Variants in POT1 observed in about 807,000 individuals in gnomAD.
The protein encoded by POT1 is protection of telomeres 1.
In POT1, 47 loss-of-function variants were observed where a neutral mutation model predicts 78.5. The observed-to-expected ratio is 0.60, with a 90% confidence interval of 0.47 to 0.76. POT1 has a LOEUF of 0.76. Among genes scored for constraint, POT1 ranks in the 30% least tolerant of loss-of-function variants. The pLI, the probability that POT1 is intolerant of heterozygous loss-of-function variation, is 0.00. For missense variants in POT1, 646 were observed against 749.9 expected (o/e 0.86, Z 1.62); for synonymous variants, 259 against 260.7 (o/e 0.99, Z 0.06).
chr7:124,873,632 C>G (rs1795922925), intron 6 of POT1, among the ~76,000 whole-genome samples: 1 of 152,002 alleles, frequency 6.6e-6, no homozygotes, highest in Admixed American at 6.6e-5. Flanking sequence ...GGAAACATTC[C>G]CTTCTCTTCC....
chr7:124,869,158 T>C (rs1795803576), intron 7 of POT1, among the ~76,000 whole-genome samples: 2 of 152,162 alleles, frequency 1.3e-5, no homozygotes, highest in Admixed American at 6.6e-5. Flanking sequence ...CTGTTAGTGT[T>C]TGTGTATACA....
At chr7:124,878,399 T>G (rs1796040676) in intron 6 of POT1, among the ~76,000 whole-genome samples, 1 of 151,958 alleles carries the variant, frequency 6.6e-6, no homozygotes. Flanking sequence ...ACAGGAGGAA[T>G]AAATTTTCAA....
At chr7:124,924,079 C>T (rs1307982642) in intron 2 of POT1, among the ~76,000 whole-genome samples, 1 of 138,566 alleles carries the variant, frequency 7.2e-6, no homozygotes, top group Non-Finnish European at 1.6e-5. Context: ...ACCAGAAAAA[C>T]AAGAACAAAC....
At chr7:124,926,848 C>T (rs1797286820) in intron 2 of POT1, among the ~76,000 whole-genome samples, 1 of 152,152 alleles carries the variant, frequency 6.6e-6, no homozygotes, top group Non-Finnish European at 1.5e-5. Flanking sequence ...ACTGCATGTT[C>T]TCACTCAAAA....
intron 3 of POT1, among the ~76,000 whole-genome samples, chr7:124,915,106 C>T (rs11767519): frequency 0.32 from 48,484 of 151,854 alleles, 7,756 homozygotes; most frequent in South Asian, 0.4. Context: ...AGCTTATAAC[C>T]CCAGTACCTA....
At chr7:124,832,596 C>T (rs62478918) in intron 15 of POT1, among the ~76,000 whole-genome samples, 2 of 152,064 alleles carry the variant, frequency 1.3e-5, no homozygotes, top group Non-Finnish European at 2.9e-5. Context: ...GGGCAGATCA[C>T]CTAAGGTCAG....
intron 18 of POT1, 73 bp from the exon 19 acceptor site, chr7:124,824,147 G>A (rs1422917065): frequency 8.5e-6 from 7 of 821,738 alleles, no homozygotes; most frequent in African/African-American, 3.6e-5. Context: ...AGGTACCTAA[G>A]CTTACCACTG....
At chr7:124,826,161 C>T (rs762365545) in intron 17 of POT1, among the ~76,000 whole-genome samples, 16 of 152,130 alleles carry the variant, frequency 1.1e-4, no homozygotes, top group Admixed American at 3.3e-4. Flanking sequence ...ACCATACCTA[C>T]GTGATAGAGT....
At chr7:124,906,273 A>G (rs1435404875) in intron 3 of POT1, among the ~76,000 whole-genome samples, 1 of 152,168 alleles carries the variant, frequency 6.6e-6, no homozygotes, top group Non-Finnish European at 1.5e-5. Flanking sequence ...GATTAAGAAA[A>G]TGTGGCACAT....
intron 6 of POT1, among the ~76,000 whole-genome samples, chr7:124,880,494 TCA>T (rs1372578966): frequency 1.3e-5 from 2 of 152,052 alleles, no homozygotes; most frequent in African/African-American, 4.8e-5. Context: ...CTGACAAAGC[TCA>T]GTCCCTGTAG....
At position 124,858,412 on chromosome 7, in the gene POT1, T is replaced by TCTAA. The variant is rs1447561135; in HGVS notation, c.702+541_702+544dup. On this transcript the variant is annotated intron_variant, in intron 9 of 18. Coordinates refer to ENST00000357628, the MANE Select transcript of POT1 (RefSeq NM_015450.3). Reference sequence around the variant, plus strand: ...TTGTTAATAGTTAAGTACTGCCATATCTAAACTGTGCACCTTAATGTATTT... The same window carrying TCTAA: ...TTGTTAATAGTTAAGTACTGCCATATCTAACTAAACTGTGCACCTTAATGTATTT... Among the ~76,000 whole-genome samples the TCTAA allele has an allele frequency of 7.2e-5, 11 of 152,246 alleles. No individual in the cohort carries two copies. In the East Asian group the frequency reaches 1.2e-3, roughly 16 times the overall value.
At position 124,859,722 on chromosome 7, in the gene POT1, T is replaced by TA. The variant is rs56197887; in HGVS notation, c.547-611dup. On this transcript the variant is annotated intron_variant, in intron 8 of 18. Transcript: ENST00000357628. Reference sequence around the variant, plus strand: ...TATAAATGACGCCTGGTTATTTATATAAAAAAAAAAAACCATAAAACAAAA... The same window carrying TA: ...TATAAATGACGCCTGGTTATTTATATAAAAAAAAAAAAACCATAAAACAAAA... Among the ~76,000 whole-genome samples the TA allele has an allele frequency of 8.5e-3, 1,192 of 139,428 alleles. 20 individuals carry two copies. The highest frequency in any genetic ancestry group is 0.05 in the East Asian group (248 of 4,914). The allele number at this position is 139,428 out of a possible 152,430, so 91.5% of individuals were successfully genotyped here.
intron 5 of POT1, 39 bp from the exon 6 acceptor site, chr7:124,892,419 T>G (rs756090278): frequency 1.0e-6 from 1 of 995,978 alleles, no homozygotes; most frequent in East Asian, 2.9e-5. Flanking sequence ...TTATACAAAG[T>G]ATTTACATTG....
In POT1 at chr7:124,904,700, C is replaced by T. The variant is rs542485527; in HGVS notation, c.-153-6326G>A. Among the ~76,000 whole-genome samples the T allele has an allele frequency of 2.6e-5, 4 of 152,318 alleles. No individual in the cohort carries two copies. The East Asian group carries it at 7.7e-4, about 29-fold the overall frequency. On this transcript the variant is annotated intron_variant, in intron 3 of 18. Coordinates refer to ENST00000357628, the MANE Select transcript of POT1 (RefSeq NM_015450.3). ...GTATTCAAGTAGAAAAACAGGAAGT[C>T]AAATTGTCCCTGTTTGCAGATGACA...
Position 124,864,370 on chromosome 7 carries a change from TTCAG to T in POT1, c.256-734_256-731del, listed in dbSNP as rs988196426. 1.6e-3 allele frequency among the ~76,000 whole-genome samples: 245 copies of T among 152,320 alleles called. 2 individuals carry two copies. The highest frequency in any genetic ancestry group is 5.6e-3 in the African/African-American group (234 of 41,582). On this transcript the variant is annotated intron_variant, in intron 7 of 18. Coordinates refer to ENST00000357628, the MANE Select transcript of POT1 (RefSeq NM_015450.3). The stretch of plus-strand genomic sequence containing the variant: ...TATATTTGGTTCCTGATTATTTTTG[TTCAG>T]TCAATCTTTTCCTTGCAATTGGAAA...
At chr7:124,884,339 C>T (rs931125586) in intron 6 of POT1, among the ~76,000 whole-genome samples, 2 of 152,112 alleles carry the variant, frequency 1.3e-5, no homozygotes, top group Admixed American at 1.3e-4. Flanking sequence ...TTGGATGCTA[C>T]TCTGAGAAAT....
At chr7:124,921,953 C>A (rs1352370046) in intron 2 of POT1, among the ~76,000 whole-genome samples, 1 of 151,620 alleles carries the variant, frequency 6.6e-6, no homozygotes, top group Non-Finnish European at 1.5e-5. Context: ...GCTCAGTTAC[C>A]CACAGAGGAG....
chr7:124,909,714 T>C (rs1796846647), intron 3 of POT1, among the ~76,000 whole-genome samples: 1 of 151,966 alleles, frequency 6.6e-6, no homozygotes, highest in South Asian at 2.1e-4. Flanking sequence ...CTATTTAAAA[T>C]GTATTTCAAT....
intron 1 of POT1, 107 bp downstream of exon 1, chr7:124,929,687 C>T (rs1442046780): frequency 3.3e-5 from 5 of 152,200 alleles, no homozygotes; most frequent in African/African-American, 1.2e-4. Context: ...GAAAGCGTTT[C>T]TCTGCGATAA....
Sources: allele counts gnomAD v4.1 joint callset (sites outside exome capture counted in the v4.1 genomes callset), GRCh38; gene constraint gnomAD v4.1.1; transcripts MANE v1.5; gene names NCBI Gene and HGNC (gene_info 2026-07-23, HGNC 2026-07-21).